Variants in FNBP1 observed in about 807,000 individuals in gnomAD.
FNBP1 encodes the protein formin binding protein 1, also known as formin-binding protein 1.
Under a neutral mutation model 90.6 loss-of-function variants are expected in FNBP1, and 26 were observed. The ratio of observed to expected loss-of-function variants is 0.29; its 90% confidence interval spans 0.21 to 0.40. The LOEUF (loss-of-function observed/expected upper bound fraction) is 0.40, where lower values mean the gene tolerates loss of function less well. Ranked by LOEUF, FNBP1 falls within the 10% of genes least tolerant of loss-of-function variation. FNBP1 has a pLI of 1.00. For missense variants in FNBP1, 635 were observed against 768.0 expected, an observed-to-expected ratio of 0.83 and a Z score of 2.05; for synonymous variants, 260 against 265.2, an observed-to-expected ratio of 0.98 and a Z score of 0.19.
intron 1 of FNBP1, among the ~76,000 whole-genome samples, chr9:130,012,360 C>T (rs539864900): frequency 2.8e-4 from 42 of 152,110 alleles, no homozygotes; most frequent in Non-Finnish European, 4.6e-4. Flanking sequence ...CATGGTAAGC[C>T]CTCAGTAAGT....
At chr9:129,986,565 G>GCATC (rs2052289562) in intron 2 of FNBP1, among the ~76,000 whole-genome samples, 1 of 152,192 alleles carries the variant, frequency 6.6e-6, no homozygotes, top group South Asian at 2.1e-4. Context: ...GCCGAGGTGG[G>GCATC]CGGATCACAA....
In FNBP1 at chr9:129,902,960, G is replaced by C. The variant is rs1405065063; in HGVS notation, c.1337C>G (p.Pro446Arg). The change falls in exon 13 of 17, where the codon CCT becomes CGT. Residue 446 changes from proline to arginine, a missense_variant. Pro to Arg is a moderately radical substitution (Grantham distance 103). Transcript: ENST00000446176. ...CAAACTGGCTGGGTCTCCCATCTGA[G>C]GATTCTTTAGGTAGACATCTTTCAT... ...TKMKDVYLKN[P>R]QMGDPASLDH... 6.2e-7 allele frequency: 1 copy of C among 1,602,624 alleles called. No individual in the cohort carries two copies. Among genetic ancestry groups the C allele is most frequent in the Non-Finnish European group, 8.5e-7 (1 of 1,174,082 alleles).
intron 12 of FNBP1, 88 bp from the exon 13 acceptor site, chr9:129,903,089 A>T: frequency 7.6e-7 from 1 of 1,318,700 alleles, no homozygotes; most frequent in Non-Finnish European, 1.0e-6. Context: ...CTGGAGTGCA[A>T]TGGTGCGATC....
In FNBP1 at chr9:129,900,835, G is replaced by A. The variant is rs1361515457; in HGVS notation, c.1429-288C>T. ...CATATTTATGTGGTTGCCCACGATG[G>A]GGCAGAAAGCACACTGGACTATGCT... On this transcript the variant is annotated intron_variant, in intron 13 of 16. Coordinates refer to ENST00000446176, the MANE Select transcript of FNBP1 (RefSeq NM_015033.3). The surrounding 1 kb of genome is among the most constrained non-coding windows in gnomAD (Gnocchi z 4.1). Among the ~76,000 whole-genome samples, 1 of 152,356 alleles carries A rather than the reference G, an allele frequency of 6.6e-6. No individual in the cohort carries two copies. The highest frequency in any genetic ancestry group is 1.9e-4 in the East Asian group (1 of 5,184).
intron 1 of FNBP1, among the ~76,000 whole-genome samples, chr9:130,037,642 A>G (rs1365271936): frequency 6.6e-6 from 1 of 152,206 alleles, no homozygotes; most frequent in East Asian, 1.9e-4. Flanking sequence ...CTTTAAAGGC[A>G]AAAAAGGTAC....
chr9:129,897,215 A>G (rs2035933683), intron 15 of FNBP1, among the ~76,000 whole-genome samples: 1 of 152,096 alleles, frequency 6.6e-6, no homozygotes, highest in South Asian at 2.1e-4. Context: ...CCCCGAATAT[A>G]TGCAGTTTGT....
chr9:130,001,411 G>A (rs1296179746), intron 1 of FNBP1, among the ~76,000 whole-genome samples: 1 of 151,544 alleles, frequency 6.6e-6, no homozygotes, highest in Non-Finnish European at 1.5e-5. Flanking sequence ...TGATACTAAA[G>A]CATCAGCTTT....
At position 129,971,010 on chromosome 9, in the gene FNBP1, T is replaced by G. The variant is rs540267200; in HGVS notation, c.345+7455A>C. On this transcript the variant is annotated intron_variant, in intron 4 of 16. Transcript: ENST00000446176. ...AAGCAATTCTCCTGCCTCAGCCTCC[T>G]GAGTAGCTGGGATTACAGGCGCACA... Among the ~76,000 whole-genome samples, 3 of 151,816 alleles carry G rather than the reference T, an allele frequency of 2.0e-5. No individual in the cohort carries two copies. In the East Asian group the frequency reaches 5.8e-4, roughly 30 times the overall value.
At chr9:129,982,705 G>A (rs895342166) in intron 2 of FNBP1, among the ~76,000 whole-genome samples, 28 of 151,802 alleles carry the variant, frequency 1.8e-4, no homozygotes, top group African/African-American at 5.8e-4. Flanking sequence ...TCTGTCACCC[G>A]GACTAGAGTG....
rs1235621144 is a variant in FNBP1 at position 130,002,054 on chromosome 9, C to T, written c.25-7096G>A. On this transcript the variant is annotated intron_variant, in intron 1 of 16. Coordinates refer to ENST00000446176, the MANE Select transcript of FNBP1 (RefSeq NM_015033.3). ...AAAAAAAAAAAAAAAAAAAGCCGGG[C>T]ATGGAGACCCATGCCTGTAATCCTA... Among the ~76,000 whole-genome samples the T allele has an allele frequency of 2.9e-5, 4 of 137,414 alleles. No individual in the cohort carries two copies. In the Admixed American group the frequency reaches 2.9e-4, roughly 10 times the overall value. 90.1% of individuals were successfully genotyped at this position (137,414 alleles called of 152,430 possible). A position where few individuals can be genotyped will look rare whatever the true frequency, so the allele number is the denominator to read the frequency against.
At chr9:129,997,483 T>C (rs1247383279) in intron 1 of FNBP1, among the ~76,000 whole-genome samples, 2 of 152,178 alleles carry the variant, frequency 1.3e-5, no homozygotes, top group Non-Finnish European at 2.9e-5. Context: ...ATGTTATTTA[T>C]AAAGTCAAGG....
At position 129,957,555 on chromosome 9, in the gene FNBP1, T is replaced by C. The variant is rs967236637; in HGVS notation, c.409-91A>G. The stretch of plus-strand genomic sequence containing the variant: ...AGCTCCCAAAGAGCATTGTTCTTTT[T>C]CTTTTTTTTTTCTTCAGTCAGGGTC... On this transcript the variant is annotated intron_variant, in intron 5 of 16. Coordinates refer to ENST00000446176, the MANE Select transcript of FNBP1 (RefSeq NM_015033.3). The surrounding 1 kb of genome is among the most constrained non-coding windows in gnomAD (Gnocchi z 4.3). 4.8e-6 allele frequency: 5 copies of C among 1,050,572 alleles called. No individual in the cohort carries two copies. Among genetic ancestry groups the C allele is most frequent in the East Asian group, 2.6e-5 (1 of 38,492 alleles). 65.1% of individuals were successfully genotyped at this position (1,050,572 alleles called of 1,614,324 possible). A position where few individuals can be genotyped will look rare whatever the true frequency, so the allele number is the denominator to read the frequency against.
intron 6 of FNBP1, among the ~76,000 whole-genome samples, chr9:129,937,842 T>C (rs919028737): frequency 6.6e-6 from 1 of 151,788 alleles, no homozygotes; most frequent in African/African-American, 2.4e-5. Context: ...CAAAGAAATA[T>C]GCTTTATATA....
intron 4 of FNBP1, among the ~76,000 whole-genome samples, chr9:129,971,974 C>T (rs2049518726): frequency 6.6e-6 from 1 of 152,198 alleles, no homozygotes; most frequent in Non-Finnish European, 1.5e-5. Context: ...AGCCAGGATT[C>T]TGCCGCTGTA....
intron 6 of FNBP1, among the ~76,000 whole-genome samples, chr9:129,945,805 T>G (rs1275207570): frequency 6.6e-6 from 1 of 152,218 alleles, no homozygotes; most frequent in East Asian, 1.9e-4. Context: ...TGCTTAAAAT[T>G]GACAGATTCC....
intron 8 of FNBP1, among the ~76,000 whole-genome samples, chr9:129,925,589 C>CTTTTTTTTTTTTTTTT (rs576015094): frequency 3.0e-5 from 2 of 67,114 alleles, no homozygotes; most frequent in African/African-American, 5.8e-5. Flanking sequence ...TTCCTAGTAG[C>CTTTTTTTTTTTTTTTT]TTTTTTTTTT....
At chr9:129,959,337 T>C (rs1564435275) in intron 4 of FNBP1, among the ~76,000 whole-genome samples, 1 of 152,088 alleles carries the variant, frequency 6.6e-6, no homozygotes, top group East Asian at 1.9e-4. Flanking sequence ...ACACCTGTAA[T>C]CCCAGCACTT....
chr9:129,900,913 T>C lies in FNBP1; in HGVS notation c.1429-366A>G, dbSNP rs1226272614. Reference sequence around the variant, plus strand: ...CAGTCTTGGATAAGTCACTTCTAGTTCCTTCTTGACCATGAGGTCGCCCTG... The same window carrying C: ...CAGTCTTGGATAAGTCACTTCTAGTCCCTTCTTGACCATGAGGTCGCCCTG... On this transcript the variant is annotated intron_variant, in intron 13 of 16. Coordinates refer to ENST00000446176, the MANE Select transcript of FNBP1 (RefSeq NM_015033.3). The surrounding 1 kb of genome is among the most constrained non-coding windows in gnomAD (Gnocchi z 4.1). Among the ~76,000 whole-genome samples, 1 of 152,240 alleles carries C rather than the reference T, an allele frequency of 6.6e-6. No individual in the cohort carries two copies. Among genetic ancestry groups the C allele is most frequent in the Non-Finnish European group, 1.5e-5 (1 of 68,036 alleles).
intron 6 of FNBP1, among the ~76,000 whole-genome samples, chr9:129,951,160 T>A (rs1030085116): frequency 6.6e-6 from 1 of 151,984 alleles, no homozygotes; most frequent in Non-Finnish European, 1.5e-5. Context: ...TTTCACCATG[T>A]TGGCTAGGCT....
Sources: allele counts gnomAD v4.1 joint callset (sites outside exome capture counted in the v4.1 genomes callset), GRCh38; gene constraint gnomAD v4.1.1; non-coding constraint Gnocchi (gnomAD v3.1); transcripts MANE v1.5; gene names NCBI Gene and HGNC (gene_info 2026-07-23, HGNC 2026-07-21).